GSG1L: variants seen among roughly 807,000 people sequenced by gnomAD.
The protein encoded by GSG1L is GSG1 like, also known as germ cell-specific gene 1-like protein.
In GSG1L, 24 loss-of-function variants were observed where a neutral mutation model predicts 42.1. The ratio of observed to expected loss-of-function variants is 0.57; its 90% CI spans 0.41 to 0.80. The LOEUF is 0.80. GSG1L is among the 30% of genes least tolerant of loss of function. The pLI is 0.00. For synonymous variants in GSG1L, 215 were observed against 203.5 expected (o/e 1.06, Z -0.48); for missense variants, 445 against 472.2 (o/e 0.94, Z 0.53).
chr16:27,914,256 C>T (rs2084424785), intron 2 of GSG1L, among the ~76,000 whole-genome samples: 1 of 152,054 alleles, frequency 6.6e-6, no homozygotes, highest in Admixed American at 6.6e-5. Context: ...ACTGTCATGG[C>T]TACATTATTT....
intron 2 of GSG1L, among the ~76,000 whole-genome samples, chr16:27,927,867 G>T (rs1225378867): frequency 6.6e-6 from 1 of 152,202 alleles, no homozygotes; most frequent in Non-Finnish European, 1.5e-5. Context: ...TGGTGAATCA[G>T]AATCTCTTGG....
chr16:27,995,765 G>C (rs750591107), intron 1 of GSG1L, among the ~76,000 whole-genome samples: 20 of 151,954 alleles, frequency 1.3e-4, no homozygotes, highest in Non-Finnish European at 2.6e-4. Context: ...TCCCACCTCA[G>C]CCTCCCAAGT....
intron 2 of GSG1L, among the ~76,000 whole-genome samples, chr16:27,911,051 C>T (rs185987390): frequency 6.6e-6 from 1 of 152,046 alleles, no homozygotes; most frequent in Non-Finnish European, 1.5e-5. Flanking sequence ...CAAAAAATTC[C>T]AGTTCCCTGC....
intron 3 of GSG1L, among the ~76,000 whole-genome samples, chr16:27,874,441 CTTTTTT>C (rs71140916): frequency 7.4e-5 from 7 of 94,424 alleles, no homozygotes; most frequent in African/African-American, 1.9e-4. Flanking sequence ...ACAGGAGAGC[CTTTTTT>C]TTTTTTTTTT....
At chr16:27,951,464 G>A (rs950659242) in intron 2 of GSG1L, among the ~76,000 whole-genome samples, 2 of 152,110 alleles carry the variant, frequency 1.3e-5, no homozygotes, top group Admixed American at 6.6e-5. Context: ...CCAGTCCCTC[G>A]GGAGCATCGA....
At chr16:27,939,678 G>C (rs8062476) in intron 2 of GSG1L, among the ~76,000 whole-genome samples, 25,420 of 152,062 alleles carry the variant, frequency 0.17, 2,200 homozygotes, top group Non-Finnish European at 0.19. Context: ...GAAAGTCCAG[G>C]CTGCCACCTC....
chr16:28,051,351 T>C (rs2086220218), intron 1 of GSG1L, among the ~76,000 whole-genome samples: 1 of 152,174 alleles, frequency 6.6e-6, no homozygotes, highest in Non-Finnish European at 1.5e-5. Context: ...GGGGATGGTT[T>C]GGAAAAGGGT....
In GSG1L at chr16:27,824,106, T is replaced by C. The variant is rs1300377306; in HGVS notation, c.830+4683A>G. The stretch of plus-strand genomic sequence containing the variant: ...TCATGACCAAGCTCATGCTTCACTC[T>C]GGGGTCTGGTGAGGGCATTAGGAGC... On this transcript the variant is annotated intron_variant, in intron 5 of 6. Transcript: ENST00000447459. 2.0e-5 allele frequency among the ~76,000 whole-genome samples: 3 copies of C among 152,188 alleles called. No individual in the cohort carries two copies. The East Asian group carries it at 5.8e-4, about 29-fold the overall frequency.
chr16:27,838,692 C>T (rs1300406824), intron 4 of GSG1L, among the ~76,000 whole-genome samples: 1 of 152,170 alleles, frequency 6.6e-6, no homozygotes, highest in African/African-American at 2.4e-5. Flanking sequence ...TGGCTGCCTG[C>T]AGACCAGAGG....
chr16:28,061,877 A>T (rs528211446), intron 1 of GSG1L, among the ~76,000 whole-genome samples: 1 of 152,198 alleles, frequency 6.6e-6, no homozygotes, highest in Non-Finnish European at 1.5e-5. Context: ...GGGGAAGGGC[A>T]TTCCAGACAG....
At chr16:27,918,214 G>A (rs1362819407) in intron 2 of GSG1L, among the ~76,000 whole-genome samples, 1 of 152,142 alleles carries the variant, frequency 6.6e-6, no homozygotes, top group African/African-American at 2.4e-5. Flanking sequence ...CCGTAGGCCT[G>A]GGTCTCCTGC....
At chr16:27,963,438 C>T (rs1001274835) in intron 1 of GSG1L, among the ~76,000 whole-genome samples, 3 of 152,146 alleles carry the variant, frequency 2.0e-5, no homozygotes, top group East Asian at 1.9e-4. Flanking sequence ...TCCACCTCCA[C>T]GATAGCAACC....
At chr16:27,945,187 T>C (rs981244982) in intron 2 of GSG1L, among the ~76,000 whole-genome samples, 1 of 151,786 alleles carries the variant, frequency 6.6e-6, no homozygotes, top group Non-Finnish European at 1.5e-5. Context: ...TTGATGAAAG[T>C]GCTCTAAAAT....
intron 1 of GSG1L, among the ~76,000 whole-genome samples, chr16:28,047,522 T>G (rs1219307171): frequency 6.6e-6 from 1 of 152,038 alleles, no homozygotes; most frequent in Non-Finnish European, 1.5e-5. Flanking sequence ...TACCAAAAAA[T>G]AAGTAAATAA....
At chr16:28,044,785 G>T (rs1390068380) in intron 1 of GSG1L, among the ~76,000 whole-genome samples, 1 of 152,064 alleles carries the variant, frequency 6.6e-6, no homozygotes, top group Non-Finnish European at 1.5e-5. Flanking sequence ...CACCATGCCT[G>T]GCTAATTTTT....
chr16:27,901,001 T>A (rs944038356), intron 2 of GSG1L, among the ~76,000 whole-genome samples: 16 of 151,960 alleles, frequency 1.1e-4, no homozygotes, highest in Non-Finnish European at 2.1e-4. Flanking sequence ...GGTGGCATGC[T>A]CCTGTAATCC....
At chr16:28,005,062 G>A (rs896487527) in intron 1 of GSG1L, among the ~76,000 whole-genome samples, 1 of 152,184 alleles carries the variant, frequency 6.6e-6, no homozygotes, top group African/African-American at 2.4e-5. Flanking sequence ...AAATTAAGAG[G>A]TTGGTAGGGC....
chr16:27,812,558 A>T (rs1022387892), intron 5 of GSG1L, among the ~76,000 whole-genome samples: 3 of 152,190 alleles, frequency 2.0e-5, no homozygotes, highest in Non-Finnish European at 4.4e-5. Flanking sequence ...ATGCCTGGTC[A>T]AGCCCAGTGG....
Position 27,872,515 on chromosome 16 carries a change from G to A in GSG1L, c.550+11971C>T, listed in dbSNP as rs1447309750. Among the ~76,000 whole-genome samples, 7 of 152,150 alleles carry A rather than the reference G, an allele frequency of 4.6e-5. No homozygotes were observed. In the East Asian group the frequency reaches 1.3e-3, roughly 29 times the overall value. ...GTGACTCCATCTTGACGAGGGGCTG[G>A]GTAAAATGAGGCTGAGACCTACTGG... On this transcript the variant is annotated intron_variant, in intron 3 of 6. Coordinates refer to ENST00000447459, the MANE Select transcript of GSG1L (RefSeq NM_001109763.2).
Sources: gnomAD v4.1 joint callset for allele counts (sites outside exome capture counted in the v4.1 genomes callset) on GRCh38, gnomAD v4.1.1 for gene constraint, MANE v1.5 for transcripts, NCBI Gene and HGNC (gene_info 2026-07-23, HGNC 2026-07-21) for gene names.